Variants in MBD2 observed in about 807,000 individuals in gnomAD.
MBD2 encodes the protein methyl-CpG binding domain protein 2, also known as methyl-CpG-binding domain protein 2.
MBD2 carries 9 observed loss-of-function variants against 39.3 expected under a neutral mutation model. The ratio of observed to expected loss-of-function variants is 0.23; its 90% confidence interval spans 0.14 to 0.40. The LOEUF (loss-of-function observed/expected upper bound fraction) is 0.40. Among genes scored for constraint, MBD2 ranks in the 10% least tolerant of loss-of-function variants. The pLI, the probability that MBD2 is intolerant of heterozygous loss-of-function variation, is 1.00. For missense variants in MBD2, 458 were observed against 532.6 expected (o/e 0.86, Z 1.38); for synonymous variants, 233 against 211.1 (o/e 1.10, Z -0.90).
intron 1 of MBD2, among the ~76,000 whole-genome samples, chr18:54,211,535 C>G (rs1021891246): frequency 6.6e-6 from 1 of 152,066 alleles, no homozygotes; most frequent in Non-Finnish European, 1.5e-5. Flanking sequence ...CTCAGCACTC[C>G]TCTACAGCTT....
At chr18:54,168,363 T>C (rs996198404) in intron 3 of MBD2, among the ~76,000 whole-genome samples, 5 of 151,680 alleles carry the variant, frequency 3.3e-5, no homozygotes, top group African/African-American at 1.2e-4. Context: ...TATATGGCTC[T>C]AGCTTATATC....
At chr18:54,173,765 C>T (rs2086193563) in intron 3 of MBD2, among the ~76,000 whole-genome samples, 1 of 152,028 alleles carries the variant, frequency 6.6e-6, no homozygotes, top group South Asian at 2.1e-4. Context: ...GATTGGAAGA[C>T]CAGGGAATGA....
intron 2 of MBD2, among the ~76,000 whole-genome samples, chr18:54,197,937 C>A (rs531983887): frequency 6.6e-6 from 1 of 152,334 alleles, no homozygotes; most frequent in Admixed American, 6.5e-5. Flanking sequence ...CTGTCCCCAA[C>A]TTTATCTACA....
intron 5 of MBD2, among the ~76,000 whole-genome samples, chr18:54,163,042 G>A (rs951096004): frequency 6.6e-6 from 1 of 152,100 alleles, no homozygotes; most frequent in African/African-American, 2.4e-5. Flanking sequence ...GGAAGGCTGA[G>A]GCAGGCGGAT....
chr18:54,162,919 A>G (rs1028888238), intron 5 of MBD2, among the ~76,000 whole-genome samples: 1 of 152,176 alleles, frequency 6.6e-6, no homozygotes, highest in African/African-American at 2.4e-5. Context: ...ACCTAGCTAG[A>G]CTTACCCATT....
intron 5 of MBD2, among the ~76,000 whole-genome samples, 160 bp downstream of exon 5, chr18:54,164,363 T>G (rs1469662536): frequency 6.6e-6 from 1 of 152,222 alleles, no homozygotes; most frequent in Non-Finnish European, 1.5e-5. Flanking sequence ...TGGTCTTTTT[T>G]CACCTTCTAT....
intron 1 of MBD2, among the ~76,000 whole-genome samples, chr18:54,218,961 C>CA (rs113019638): frequency 0.054 from 5,509 of 101,532 alleles, 311 homozygotes; most frequent in African/African-American, 0.16. Flanking sequence ...GACTCCGTCT[C>CA]AAAAAAAAAA....
chr18:54,210,283 A>C lies in MBD2; in HGVS notation c.543-5126T>G, dbSNP rs146511246. On this transcript the variant is annotated intron_variant, in intron 1 of 6. Coordinates refer to ENST00000256429, the MANE Select transcript of MBD2 (RefSeq NM_003927.5). ...TCACATAGGAACATTTCATCACTTA[A>C]AAATAAAAATAAAATAACAAAAAAA... is the stretch of plus-strand genomic sequence containing the variant. 4.5e-3 allele frequency among the ~76,000 whole-genome samples: 686 copies of C among 152,320 alleles called. 2 individuals carry two copies. The highest frequency in any genetic ancestry group is 4.1e-3 in the Non-Finnish European group (278 of 68,034).
At chr18:54,168,075 G>GTA (rs765639892) in intron 3 of MBD2, among the ~76,000 whole-genome samples, 493 of 149,730 alleles carry the variant, frequency 3.3e-3, no homozygotes, top group Non-Finnish European at 5.0e-3. Context: ...ATATATATGT[G>GTA]TATATATATA....
chr18:54,181,075 A>T (rs2086249090), intron 3 of MBD2, among the ~76,000 whole-genome samples: 1 of 151,844 alleles, frequency 6.6e-6, no homozygotes, highest in African/African-American at 2.4e-5. Flanking sequence ...TGGCATTTTT[A>T]GTAGAGATGC....
intron 1 of MBD2, among the ~76,000 whole-genome samples, chr18:54,221,045 T>G (rs2086607316): frequency 6.6e-6 from 1 of 152,182 alleles, no homozygotes; most frequent in Non-Finnish European, 1.5e-5. Context: ...CATAAACAAG[T>G]AAAAGGCAAA....
Position 54,191,979 on chromosome 18 carries a change from T to G in MBD2, c.703-2968A>C, listed in dbSNP as rs543571237. ...CAAAGTAACCACTTAGGTTGCTAACTCTACGAAGTGTGAGGCTCAGGAGTA... is the reference window on the plus strand; with the variant it reads ...CAAAGTAACCACTTAGGTTGCTAACGCTACGAAGTGTGAGGCTCAGGAGTA... On this transcript the variant is annotated intron_variant, in intron 2 of 6. Coordinates refer to ENST00000256429, the MANE Select transcript of MBD2 (RefSeq NM_003927.5). 3.9e-5 allele frequency among the ~76,000 whole-genome samples: 6 copies of G among 152,332 alleles called. No individual in the cohort carries two copies. In the East Asian group the frequency reaches 7.7e-4, roughly 20 times the overall value.
At chr18:54,156,735 T>A (rs988114775) in intron 6 of MBD2, among the ~76,000 whole-genome samples, 4 of 151,854 alleles carry the variant, frequency 2.6e-5, no homozygotes, top group African/African-American at 9.7e-5. Flanking sequence ...CACCTGTAAT[T>A]CCAGCTACTT....
In MBD2 at chr18:54,214,007, T is replaced by C. The variant is rs188856861; in HGVS notation, c.543-8850A>G. 2.5e-3 allele frequency among the ~76,000 whole-genome samples: 371 copies of C among 150,324 alleles called. 2 individuals are homozygous for C. The highest frequency in any genetic ancestry group is 3.1e-3 in the Non-Finnish European group (210 of 67,420). The stretch of plus-strand genomic sequence containing the variant: ...GTGGTTCTCTTTTCTTTCTTTCTTT[T>C]TTTTTTTTTTTTTTAACAACAAACA... On this transcript the variant is annotated intron_variant, in intron 1 of 6. Transcript: ENST00000256429.
At chr18:54,199,249 A>G (rs2086388395) in intron 2 of MBD2, among the ~76,000 whole-genome samples, 1 of 152,234 alleles carries the variant, frequency 6.6e-6, no homozygotes, top group African/African-American at 2.4e-5. Flanking sequence ...TGAAACTGGT[A>G]AAGTCACCAG....
chr18:54,201,601 A>G (rs138025909), intron 2 of MBD2, among the ~76,000 whole-genome samples: 4,106 of 152,070 alleles, frequency 0.027, 182 homozygotes, highest in African/African-American at 0.094. Context: ...GGTGGCTCAC[A>G]CCTGTAATCC....
chr18:54,208,041 AAAC>A (rs911622140), intron 1 of MBD2, among the ~76,000 whole-genome samples: 37 of 152,066 alleles, frequency 2.4e-4, no homozygotes, highest in African/African-American at 8.0e-4. Context: ...CTGTCTCAAA[AAAC>A]AACAACAAAA....
At chr18:54,161,784 A>G (rs1272990928) in intron 5 of MBD2, among the ~76,000 whole-genome samples, 1 of 152,220 alleles carries the variant, frequency 6.6e-6, no homozygotes, top group Non-Finnish European at 1.5e-5. Context: ...CACTCTTTAT[A>G]TAATTCTCTC....
chr18:54,204,961 G>A (rs201485029), intron 2 of MBD2, 37 bp downstream of exon 2: 152 of 1,579,822 alleles, frequency 9.6e-5, no homozygotes, highest in Middle Eastern at 6.8e-4. Context: ...AAGAGCTTTC[G>A]AAGTAGCATA....
Sources: allele counts gnomAD v4.1 joint callset (sites outside exome capture counted in the v4.1 genomes callset), GRCh38; gene constraint gnomAD v4.1.1; transcripts MANE v1.5; gene names NCBI Gene and HGNC (gene_info 2026-07-23, HGNC 2026-07-21).